Variants in USH2A observed in about 807,000 individuals in gnomAD.
USH2A encodes usherin.
A neutral mutation model predicts 538.9 loss-of-function variants in USH2A; 443 were observed. That is an observed-to-expected ratio of 0.82 (90% confidence interval 0.76 to 0.89). USH2A has a LOEUF of 0.89. USH2A is among the 40% of genes least tolerant of loss of function. The pLI is 0.00. For missense variants in USH2A, 6,633 were observed against 6,324.8 expected (o/e 1.05, Z -1.65); for synonymous variants, 2,413 against 2,273.5 (o/e 1.06, Z -1.75).
At chr1:216,006,667 T>C (rs1354286949) in intron 32 of USH2A, among the ~76,000 whole-genome samples, 1 of 152,194 alleles carries the variant, frequency 6.6e-6, no homozygotes, top group Non-Finnish European at 1.5e-5. Context: ...CTCTTCATTA[T>C]ATTGATTTGT....
intron 32 of USH2A, among the ~76,000 whole-genome samples, chr1:216,015,719 G>A (rs1668692985): frequency 6.6e-6 from 1 of 152,214 alleles, no homozygotes; most frequent in Non-Finnish European, 1.5e-5. Context: ...GCTAACTGGT[G>A]TGAGATGGTA....
intron 35 of USH2A, among the ~76,000 whole-genome samples, chr1:215,986,095 G>A (rs1302045656): frequency 6.6e-6 from 1 of 151,742 alleles, no homozygotes; most frequent in Non-Finnish European, 1.5e-5. Flanking sequence ...ATGTCTAATG[G>A]GTGCCCAGCT....
At chr1:216,141,704 C>T (rs2033606858) in intron 21 of USH2A, among the ~76,000 whole-genome samples, 1 of 152,078 alleles carries the variant, frequency 6.6e-6, no homozygotes, top group African/African-American at 2.4e-5. Context: ...GAGAATCTGG[C>T]ATACCATGTT....
chr1:215,970,422 C>T (rs1206088085), intron 36 of USH2A, among the ~76,000 whole-genome samples: 1 of 152,164 alleles, frequency 6.6e-6, no homozygotes, highest in Non-Finnish European at 1.5e-5. Context: ...CTGCCCTTCA[C>T]TGGACCTATG....
Position 215,674,225 on chromosome 1 carries a change from G to T in USH2A, c.13686C>A (p.Ile4562=), listed in dbSNP as rs1370000036. The T allele has an allele frequency of 1.2e-6, 2 of 1,614,118 alleles. No individual in the cohort carries two copies. Among genetic ancestry groups the T allele is most frequent in the African/African-American group, 2.7e-5 (2 of 75,018 alleles). Residue 4562 remains isoleucine (I), a synonymous_variant, in exon 63 of 72, where the codon ATC becomes ATA. Coordinates refer to ENST00000307340, the MANE Select transcript of USH2A (RefSeq NM_206933.4). ...WDPPVRTNGD[I]INYTLFIREL... ...CACGGATGAAGAGGGTATAATTGAT[G>T]ATATCACCATTTGTTCTCACTGGAG... is the stretch of plus-strand genomic sequence containing the variant.
intron 4 of USH2A, 49 bp downstream of exon 4, chr1:216,364,904 A>G: frequency 6.2e-7 from 1 of 1,608,836 alleles, no homozygotes; most frequent in Non-Finnish European, 8.5e-7. Context: ...CATTTTTAAG[A>G]ACAATGTAAT....
intron 60 of USH2A, among the ~76,000 whole-genome samples, chr1:215,734,921 G>T (rs1426374349): frequency 6.6e-6 from 1 of 152,082 alleles, no homozygotes; most frequent in African/African-American, 2.4e-5. Context: ...TCACCTTCCT[G>T]TCTTCTTCTG....
chr1:216,247,235 A>T lies in USH2A; in HGVS notation c.2168-9T>A. ...ATGATCACACCTAAGCCCTAAAGAT[A>T]AAATATATTTAAAAGGTGAGGATGG... On this transcript the variant is annotated splice_polypyrimidine_tract_variant and intron_variant, in intron 12 of 71. Coordinates refer to ENST00000307340, the MANE Select transcript of USH2A (RefSeq NM_206933.4). 1 of 1,613,686 alleles carries T rather than the reference A, an allele frequency of 6.2e-7. No homozygotes were observed. Among genetic ancestry groups the T allele is most frequent in the Non-Finnish European group, 8.5e-7 (1 of 1,179,792 alleles).
intron 3 of USH2A, among the ~76,000 whole-genome samples, chr1:216,390,716 T>C (rs2102745850): frequency 6.6e-6 from 1 of 152,288 alleles, no homozygotes; most frequent in African/African-American, 2.4e-5. Flanking sequence ...GTGGATATAT[T>C]TCCTCGGTGT....
chr1:216,223,921 A>G (rs1204141923), intron 14 of USH2A, among the ~76,000 whole-genome samples: 1 of 152,200 alleles, frequency 6.6e-6, no homozygotes, highest in Non-Finnish European at 1.5e-5. Flanking sequence ...AATGTAGAAC[A>G]TTTGCAGTAA....
Position 215,625,281 on chromosome 1 carries a change from G to A in USH2A, c.*500C>T. On this transcript the variant is annotated 3_prime_UTR_variant, in exon 72 of 72. Transcript: ENST00000307340. ...AACCTTCAGAAAAGTTTGTCGACCT[G>A]GTGCAAAGTTTGGGATTCATTTAGC... 1 of 176,216 alleles carries A rather than the reference G, an allele frequency of 5.7e-6. No homozygotes were observed. The highest frequency in any genetic ancestry group is 1.2e-5 in the Non-Finnish European group (1 of 82,228). The allele number at this position is 176,216 out of a possible 1,614,324, so 10.9% of individuals were successfully genotyped here.
chr1:215,864,129 A>G (rs900644545), intron 44 of USH2A, among the ~76,000 whole-genome samples: 4 of 152,160 alleles, frequency 2.6e-5, no homozygotes, highest in Admixed American at 2.6e-4. Context: ...CTTCTATTTT[A>G]GACTGAGCAG....
At chr1:215,936,370 T>C (rs936405225) in intron 37 of USH2A, among the ~76,000 whole-genome samples, 2 of 152,206 alleles carry the variant, frequency 1.3e-5, no homozygotes, top group African/African-American at 2.4e-5. Context: ...CAAAGTATAG[T>C]GCAAAGGAAA....
intron 13 of USH2A, among the ~76,000 whole-genome samples, chr1:216,233,217 G>T (rs8179342): frequency 6.6e-6 from 1 of 151,864 alleles, no homozygotes; most frequent in African/African-American, 2.4e-5. Flanking sequence ...TCATCCCCCC[G>T]CTCAGTCCAT....
At chr1:215,827,000 A>G (rs1222898320) in intron 47 of USH2A, among the ~76,000 whole-genome samples, 1 of 152,152 alleles carries the variant, frequency 6.6e-6, no homozygotes, top group Non-Finnish European at 1.5e-5. Context: ...TGAGTGTTGG[A>G]AAAGATGATG....
intron 11 of USH2A, among the ~76,000 whole-genome samples, chr1:216,277,373 T>C (rs539035682): frequency 6.6e-6 from 1 of 152,278 alleles, no homozygotes; most frequent in South Asian, 2.1e-4. Context: ...TCTCTCTTGC[T>C]GATACATGCT....
At chr1:215,630,849 C>CA (rs1485940854) in intron 70 of USH2A, among the ~76,000 whole-genome samples, 1 of 145,248 alleles carries the variant, frequency 6.9e-6, no homozygotes, top group African/African-American at 2.6e-5. Flanking sequence ...GACTCTGTCT[C>CA]AAAAACAAAC....
chr1:216,146,440 T>C (rs1402386352), intron 21 of USH2A, among the ~76,000 whole-genome samples: 2 of 152,210 alleles, frequency 1.3e-5, no homozygotes, highest in Non-Finnish European at 2.9e-5. Context: ...TCTCTGATTA[T>C]ACACTCACGT....
At chr1:216,172,674 T>C (rs925504438) in intron 21 of USH2A, among the ~76,000 whole-genome samples, 5 of 152,064 alleles carry the variant, frequency 3.3e-5, no homozygotes, top group Non-Finnish European at 5.9e-5. Context: ...CTGGGTTTAA[T>C]TGCTATTAAA....
Sources: gnomAD v4.1 joint callset for allele counts (sites outside exome capture counted in the v4.1 genomes callset) on GRCh38, gnomAD v4.1.1 for gene constraint, MANE v1.5 for transcripts, NCBI Gene and HGNC (gene_info 2026-07-23, HGNC 2026-07-21) for gene names.